The following CPQ variants were observed in gnomAD, a reference collection of about 807,000 sequenced individuals.
CPQ encodes the protein Ser-Met dipeptidase.
In CPQ, 37 loss-of-function variants were observed where a neutral mutation model predicts 45.7. The observed-to-expected ratio is 0.81, with a 90% CI of 0.62 to 1.07. The LOEUF is 1.07. Ranked by LOEUF, CPQ falls within the 50% of genes least tolerant of loss-of-function variation. CPQ has a pLI of 0.00. For synonymous variants in CPQ, 186 were observed against 205.8 expected (o/e 0.90, Z 0.82); for missense variants, 537 against 572.9 (o/e 0.94, Z 0.64).
chr8:97,120,870 A>G (rs1393409386), intron 7 of CPQ, among the ~76,000 whole-genome samples: 2 of 152,368 alleles, frequency 1.3e-5, no homozygotes, highest in South Asian at 4.1e-4. Flanking sequence ...CCTTTTGATG[A>G]TGAGTAATAA....
Position 96,785,136 on chromosome 8 carries a change from G to A in CPQ, c.239G>A (p.Gly80Asp). 1 of 1,613,672 alleles carries A rather than the reference G, an allele frequency of 6.2e-7. No homozygotes were observed. Among genetic ancestry groups the A allele is most frequent in the Non-Finnish European group, 8.5e-7 (1 of 1,179,804 alleles). ...LVDTVGPRLS[G>D]SKNLEKAIQI... Reference sequence around the variant, plus strand: ...GATACTGTTGGACCCAGACTGAGTGGCTCCAAGAACCTAGAAAAAGCCATC... The same window carrying A: ...GATACTGTTGGACCCAGACTGAGTGACTCCAAGAACCTAGAAAAAGCCATC... Residue 80 changes from glycine to aspartate, a missense_variant, in exon 2 of 8, where the codon GGC (glycine) becomes GAC (aspartate). Physicochemically the swap from Gly to Asp is moderately conservative, Grantham distance 94. Transcript: ENST00000220763.
intron 3 of CPQ, among the ~76,000 whole-genome samples, chr8:96,879,388 ACTACATGTAT>A (rs1812190283): frequency 6.6e-6 from 1 of 152,178 alleles, no homozygotes; most frequent in African/African-American, 2.4e-5. Flanking sequence ...TAACCACAGA[ACTACATGTAT>A]CTGGGCCAGT....
chr8:96,858,637 AT>A (rs1450210543), intron 3 of CPQ, among the ~76,000 whole-genome samples: 1 of 152,090 alleles, frequency 6.6e-6, no homozygotes, highest in East Asian at 1.9e-4. Flanking sequence ...TGGCTCACTA[AT>A]TTCCCACATA....
chr8:97,026,499 G>T (rs931471288), intron 5 of CPQ, among the ~76,000 whole-genome samples: 3 of 152,282 alleles, frequency 2.0e-5, no homozygotes, highest in African/African-American at 4.8e-5. Flanking sequence ...TAGGTTTAAG[G>T]TCTAATTCTT....
rs113056281 is a variant in CPQ, at chr8:96,904,291, A to G, written c.849+24286A>G. ...TAAATAGGGCCACGTTTGCCGCTGAATGATGTCACAGTGCAGGTGATCCAC... is the reference window on the plus strand; with the variant it reads ...TAAATAGGGCCACGTTTGCCGCTGAGTGATGTCACAGTGCAGGTGATCCAC... On this transcript the variant is annotated intron_variant, in intron 4 of 7. Coordinates refer to ENST00000220763, the MANE Select transcript of CPQ (RefSeq NM_016134.4). 5.1e-3 allele frequency among the ~76,000 whole-genome samples: 781 copies of G among 152,328 alleles called. 4 individuals are homozygous for G. The highest frequency in any genetic ancestry group is 7.4e-3 in the Non-Finnish European group (505 of 68,034).
intron 3 of CPQ, among the ~76,000 whole-genome samples, chr8:96,850,584 T>TTTTATTTA (rs199730159): frequency 0.035 from 4,838 of 136,586 alleles, 124 homozygotes; most frequent in East Asian, 0.079. Flanking sequence ...TTTTATTTTA[T>TTTTATTTA]TTTATTTATT....
At chr8:96,954,932 AT>A (rs1216119393) in intron 4 of CPQ, among the ~76,000 whole-genome samples, 1 of 151,998 alleles carries the variant, frequency 6.6e-6, no homozygotes, top group Admixed American at 6.6e-5. Context: ...TGAACTCATC[AT>A]TTTTTATGGC....
chr8:96,719,703 G>C (rs1433283326), intron 1 of CPQ, among the ~76,000 whole-genome samples: 1 of 152,220 alleles, frequency 6.6e-6, no homozygotes, highest in East Asian at 1.9e-4. Flanking sequence ...CCTCCCCTGT[G>C]AGGTAGGATC....
intron 1 of CPQ, among the ~76,000 whole-genome samples, chr8:96,648,281 G>C (rs1815539803): frequency 6.6e-6 from 1 of 152,122 alleles, no homozygotes; most frequent in Non-Finnish European, 1.5e-5. Context: ...TGATGGAATA[G>C]ACCTTCCCAT....
intron 4 of CPQ, among the ~76,000 whole-genome samples, chr8:96,909,709 G>A (rs1812630160): frequency 6.6e-6 from 1 of 152,126 alleles, no homozygotes; most frequent in Non-Finnish European, 1.5e-5. Flanking sequence ...ATCCCCCAGA[G>A]GAGAGCTGGG....
chr8:96,757,245 G>A (rs931200942), intron 1 of CPQ, among the ~76,000 whole-genome samples: 1 of 151,730 alleles, frequency 6.6e-6, no homozygotes, highest in Admixed American at 6.6e-5. Flanking sequence ...AAGCTACTTG[G>A]GAGGCTGAGG....
intron 2 of CPQ, among the ~76,000 whole-genome samples, chr8:96,795,746 T>A (rs1185151410): frequency 6.6e-6 from 1 of 152,066 alleles, no homozygotes; most frequent in Non-Finnish European, 1.5e-5. Context: ...ATAGCATGGG[T>A]ATAAAATCTT....
chr8:97,123,524 T>C (rs1811793934), intron 7 of CPQ, among the ~76,000 whole-genome samples: 1 of 151,580 alleles, frequency 6.6e-6, no homozygotes, highest in Non-Finnish European at 1.5e-5. Context: ...TAAAAAATGG[T>C]ATAGCCAATA....
Position 97,085,983 on chromosome 8 carries a change from G to A in CPQ, c.1255+19773G>A, listed in dbSNP as rs144937797. 7.0e-3 allele frequency among the ~76,000 whole-genome samples: 1,063 copies of A among 152,294 alleles called. 13 individuals carry two copies. The highest frequency in any genetic ancestry group is 0.024 in the African/African-American group (1,001 of 41,568). ...TGGAGGCTTTGACAATTCTACAGAAGAGAGGAAGCTGTTAAATTCTAGGCT... is the reference window on the plus strand; with the variant it reads ...TGGAGGCTTTGACAATTCTACAGAAAAGAGGAAGCTGTTAAATTCTAGGCT... On this transcript the variant is annotated intron_variant, in intron 7 of 7. Coordinates refer to ENST00000220763, the MANE Select transcript of CPQ (RefSeq NM_016134.4).
At chr8:97,017,304 G>A (rs1343363080) in intron 5 of CPQ, among the ~76,000 whole-genome samples, 1 of 152,166 alleles carries the variant, frequency 6.6e-6, no homozygotes, top group African/African-American at 2.4e-5. Context: ...CACCTCACAG[G>A]GGTCCTTGAG....
At chr8:97,120,740 G>A (rs560118711) in intron 7 of CPQ, among the ~76,000 whole-genome samples, 12 of 152,252 alleles carry the variant, frequency 7.9e-5, no homozygotes, top group Admixed American at 7.2e-4. Flanking sequence ...GGGAGAGACA[G>A]GACAAAAGAT....
At chr8:96,964,219 T>C (rs959057789) in intron 4 of CPQ, among the ~76,000 whole-genome samples, 3 of 120,392 alleles carry the variant, frequency 2.5e-5, no homozygotes, top group African/African-American at 1.0e-4. Flanking sequence ...CACACACACA[T>C]CCTGTTGGAT....
chr8:96,647,390 C>G (rs995184861), intron 1 of CPQ, among the ~76,000 whole-genome samples: 4 of 152,290 alleles, frequency 2.6e-5, no homozygotes, highest in South Asian at 4.1e-4. Flanking sequence ...GGGGCACTGA[C>G]CATACACCAG....
intron 2 of CPQ, among the ~76,000 whole-genome samples, chr8:96,802,370 A>C (rs1320128024): frequency 6.6e-6 from 1 of 152,214 alleles, no homozygotes; most frequent in Non-Finnish European, 1.5e-5. Flanking sequence ...TTGTAGCTTC[A>C]TAACAGTAAA....
Sources: gnomAD v4.1 joint callset for allele counts (sites outside exome capture counted in the v4.1 genomes callset) on GRCh38, gnomAD v4.1.1 for gene constraint, MANE v1.5 for transcripts, NCBI Gene and HGNC (gene_info 2026-07-23, HGNC 2026-07-21) for gene names.